ADGRB3: variants seen among roughly 807,000 people sequenced by gnomAD.
The protein encoded by ADGRB3 is brain-specific angiogenesis inhibitor 3.
Under a neutral mutation model 193.4 loss-of-function variants are expected in ADGRB3, and 37 were observed. That is an observed-to-expected ratio of 0.19 (90% confidence interval 0.15 to 0.25). ADGRB3 has a LOEUF of 0.25. Among genes scored for constraint, ADGRB3 ranks in the 10% least tolerant of loss-of-function variants. ADGRB3 has a pLI of 1.00. For missense variants in ADGRB3, 1,637 were observed against 1,852.9 expected, an observed-to-expected ratio of 0.88 and a Z score of 2.14; for synonymous variants, 690 against 644.2, an observed-to-expected ratio of 1.07 and a Z score of -1.08.
chr6:68,683,010 C>G (rs1169523922), intron 3 of ADGRB3, among the ~76,000 whole-genome samples: 1 of 152,100 alleles, frequency 6.6e-6, no homozygotes, highest in Admixed American at 6.5e-5. Flanking sequence ...GTCTTGAACT[C>G]CTGACCTCAG....
At chr6:69,366,049 T>C (rs995312285) in intron 29 of ADGRB3, among the ~76,000 whole-genome samples, 9 of 152,210 alleles carry the variant, frequency 5.9e-5, no homozygotes, top group African/African-American at 2.2e-4. Context: ...ACTCAGGAAC[T>C]GGGGCACTCT....
chr6:69,388,724 A>C lies in ADGRB3; in HGVS notation c.4402A>C (p.Asn1468His), dbSNP rs1770128801. 3 of 1,613,120 alleles carry C rather than the reference A, an allele frequency of 1.9e-6. No homozygotes were observed. The highest frequency in any genetic ancestry group is 2.5e-6 in the Non-Finnish European group (3 of 1,179,514). Residue 1468 changes from asparagine to histidine, a missense_variant, in exon 32 of 32, where the codon AAT (asparagine) becomes CAT (histidine). Asn to His is a moderately conservative substitution (Grantham distance 68). This residue lies in a region of ADGRB3 where 368 missense variants were observed against 367.4 expected (regional missense o/e 1.00). Coordinates refer to ENST00000370598, the MANE Select transcript of ADGRB3 (RefSeq NM_001704.3). The part of the protein sequence containing the change: ...SSMENPAPNK[N>H]PWDTFKNPSE... ...ACAGGAAAACCCCGCACCAAACAAG[A>C]ATCCATGGGACACTTTCAAAAACCC...
rs189496034 is a variant in ADGRB3 at position 69,306,334 on chromosome 6, T to C, written c.2815-18538T>C. Among the ~76,000 whole-genome samples the C allele has an allele frequency of 2.7e-3, 417 of 151,710 alleles. 8 individuals carry two copies. The highest frequency in any genetic ancestry group is 9.4e-3 in the African/African-American group (389 of 41,286). ...AAAATCAAGACCACTAACATTTTTCTCTTGTTTTGCCTTTAATTCAAAGTC... is the reference window on the plus strand; with the variant it reads ...AAAATCAAGACCACTAACATTTTTCCCTTGTTTTGCCTTTAATTCAAAGTC... On this transcript the variant is annotated intron_variant, in intron 20 of 31. Coordinates refer to ENST00000370598, the MANE Select transcript of ADGRB3 (RefSeq NM_001704.3).
At chr6:69,099,829 A>T (rs1207982727) in intron 17 of ADGRB3, among the ~76,000 whole-genome samples, 1 of 152,214 alleles carries the variant, frequency 6.6e-6, no homozygotes, top group Non-Finnish European at 1.5e-5. Context: ...ACCCAGTATT[A>T]TGTAACCTGT....
intron 3 of ADGRB3, among the ~76,000 whole-genome samples, chr6:68,882,082 T>C (rs1386563158): frequency 6.6e-6 from 1 of 152,158 alleles, no homozygotes; most frequent in Non-Finnish European, 1.5e-5. Context: ...CTCTTAAAGG[T>C]TATTTGACTT....
chr6:68,888,184 CAA>C lies in ADGRB3; in HGVS notation c.758-42374_758-42373del, dbSNP rs1765965937. ...CATGGAACAATCAAGTTAGAGTCCT[CAA>C]GAGAGGGTAGGAAGAAAATGTTTAT... On this transcript the variant is annotated intron_variant, in intron 3 of 31. Coordinates refer to ENST00000370598, the MANE Select transcript of ADGRB3 (RefSeq NM_001704.3). 1.3e-5 allele frequency among the ~76,000 whole-genome samples: 2 copies of C among 152,086 alleles called. 1 individual carries two copies. Among genetic ancestry groups the C allele is most frequent in the South Asian group, 4.1e-4 (2 of 4,822 alleles).
chr6:68,857,799 T>A (rs1337350243), intron 3 of ADGRB3, among the ~76,000 whole-genome samples: 1 of 152,118 alleles, frequency 6.6e-6, no homozygotes, highest in Non-Finnish European at 1.5e-5. Context: ...AATTATATGA[T>A]CTGACTCTGT....
chr6:68,875,246 TCCCCTC>T (rs1477218761), intron 3 of ADGRB3, among the ~76,000 whole-genome samples: 1 of 1,336 alleles, frequency 7.5e-4, no homozygotes, highest in African/African-American at 4.3e-3. Flanking sequence ...CCCTCTGCCC[TCCCCTC>T]CCCTCCCCTC....
intron 20 of ADGRB3, among the ~76,000 whole-genome samples, chr6:69,259,523 GTC>G (rs1333167120): frequency 6.6e-6 from 1 of 151,872 alleles, no homozygotes; most frequent in Admixed American, 6.6e-5. Context: ...GTGAAACCCA[GTC>G]TCTGCTAAAA....
intron 3 of ADGRB3, among the ~76,000 whole-genome samples, chr6:68,713,559 T>C (rs1300163649): frequency 6.6e-6 from 1 of 151,822 alleles, no homozygotes; most frequent in East Asian, 1.9e-4. Context: ...CATAACTCTA[T>C]CTAACATTTT....
intron 17 of ADGRB3, among the ~76,000 whole-genome samples, chr6:69,100,979 G>A (rs1582461101): frequency 4.0e-5 from 4 of 100,786 alleles, no homozygotes; most frequent in Non-Finnish European, 6.4e-5. Context: ...GGGAAGGAAG[G>A]AAGGAAGGAA....
intron 4 of ADGRB3, among the ~76,000 whole-genome samples, chr6:68,933,624 T>G (rs918964374): frequency 1.3e-5 from 2 of 152,188 alleles, no homozygotes; most frequent in Non-Finnish European, 2.9e-5. Context: ...ATAAATAAAA[T>G]TAAAAGTACA....
intron 3 of ADGRB3, among the ~76,000 whole-genome samples, chr6:68,884,832 T>A (rs1765860402): frequency 6.6e-6 from 1 of 152,148 alleles, no homozygotes; most frequent in African/African-American, 2.4e-5. Context: ...GGGAGATAAT[T>A]TCAGACAACA....
chr6:69,149,569 G>T (rs972581466), intron 17 of ADGRB3, among the ~76,000 whole-genome samples: 1 of 151,980 alleles, frequency 6.6e-6, no homozygotes, highest in African/African-American at 2.4e-5. Context: ...ATTTAGTGTG[G>T]TCGTGCTTTA....
chr6:69,146,821 CTTT>C (rs756561473), intron 17 of ADGRB3, among the ~76,000 whole-genome samples: 14,458 of 103,398 alleles, frequency 0.14, 567 homozygotes, highest in Middle Eastern at 0.38. Context: ...CTCATTACTT[CTTT>C]TTTTTTTTTT....
chr6:69,086,996 A>G (rs1242907447), intron 17 of ADGRB3, among the ~76,000 whole-genome samples: 1 of 152,128 alleles, frequency 6.6e-6, no homozygotes, highest in Non-Finnish European at 1.5e-5. Flanking sequence ...AGTACCATGT[A>G]GTCTCAGAAT....
Position 69,339,444 on chromosome 6 carries a change from T to C in ADGRB3, c.3399T>C (p.Ala1133=). ...KRSILFQILF[A]VFDSLQGFVI... ...CCATATTGTTTCAAATACTTTTTGC[T>C]GTGTTTGATTCATTGCAAGGCTTTG... Residue 1133 remains alanine, a synonymous_variant, in exon 26 of 32, where the codon GCT becomes GCC. Transcript: ENST00000370598. The C allele has an allele frequency of 6.2e-7, 1 of 1,614,060 alleles. No homozygotes were observed. The highest frequency in any genetic ancestry group is 8.5e-7 in the Non-Finnish European group (1 of 1,179,904).
At chr6:68,947,227 C>A (rs182336310) in intron 6 of ADGRB3, among the ~76,000 whole-genome samples, 321 of 151,860 alleles carry the variant, frequency 2.1e-3, no homozygotes, top group Non-Finnish European at 3.1e-3. Flanking sequence ...TGGAAAGGTG[C>A]ATGTTTGTGT....
At chr6:68,905,756 G>C (rs1224930883) in intron 3 of ADGRB3, among the ~76,000 whole-genome samples, 1 of 152,056 alleles carries the variant, frequency 6.6e-6, no homozygotes, top group Admixed American at 6.6e-5. Context: ...TGCAAATTAG[G>C]TTAAAAAGTT....
Sources: allele counts gnomAD v4.1 joint callset (sites outside exome capture counted in the v4.1 genomes callset), GRCh38; gene constraint gnomAD v4.1.1; regional missense constraint gnomAD v4.1.1; transcripts MANE v1.5; gene names NCBI Gene and HGNC (gene_info 2026-07-23, HGNC 2026-07-21).